Variants in HS6ST3 observed in about 807,000 individuals in gnomAD.
HS6ST3 encodes heparan sulfate 6-O-sulfotransferase 3.
HS6ST3 carries 12 observed loss-of-function variants against 36.7 expected under a neutral mutation model. That is an observed-to-expected ratio of 0.33 (90% CI 0.21 to 0.53). The LOEUF is 0.53. Ranked by LOEUF, HS6ST3 falls within the 20% of genes least tolerant of loss-of-function variation. HS6ST3 has a pLI of 0.95. For synonymous variants in HS6ST3, 240 were observed against 257.5 expected (o/e 0.93, Z 0.65); for missense variants, 584 against 640.9 (o/e 0.91, Z 0.96).
chr13:96,293,340 C>T (rs558877310), intron 1 of HS6ST3, among the ~76,000 whole-genome samples: 5 of 152,154 alleles, frequency 3.3e-5, no homozygotes, highest in Admixed American at 6.5e-5. Flanking sequence ...GGATTAATCA[C>T]TTAGTTTGAT....
intron 1 of HS6ST3, among the ~76,000 whole-genome samples, chr13:96,102,951 T>C (rs2053824704): frequency 6.6e-6 from 1 of 152,220 alleles, no homozygotes; most frequent in Admixed American, 6.5e-5. Context: ...GAGTATACTC[T>C]TGCAGGATAT....
chr13:96,826,172 A>G (rs1157828092), intron 1 of HS6ST3, among the ~76,000 whole-genome samples: 1 of 152,200 alleles, frequency 6.6e-6, no homozygotes, highest in Non-Finnish European at 1.5e-5. Flanking sequence ...GTTGTATAAA[A>G]TATTCTCCTT....
intron 1 of HS6ST3, among the ~76,000 whole-genome samples, chr13:96,237,437 C>G (rs2054539849): frequency 6.6e-6 from 1 of 152,096 alleles, no homozygotes; most frequent in Non-Finnish European, 1.5e-5. Context: ...TTATTTTCCA[C>G]TGGATTCTAT....
intron 1 of HS6ST3, among the ~76,000 whole-genome samples, chr13:96,497,537 G>T (rs558592406): frequency 6.6e-6 from 1 of 152,248 alleles, no homozygotes; most frequent in Non-Finnish European, 1.5e-5. Flanking sequence ...TCATGGAGTA[G>T]ACAGATGCAG....
chr13:96,102,368 G>A (rs1372703530), intron 1 of HS6ST3, among the ~76,000 whole-genome samples: 2 of 152,194 alleles, frequency 1.3e-5, no homozygotes, highest in African/African-American at 2.4e-5. Flanking sequence ...TGTAGTCCCA[G>A]CTATTTGGGA....
At chr13:96,610,453 T>C (rs2056453471) in intron 1 of HS6ST3, among the ~76,000 whole-genome samples, 1 of 152,200 alleles carries the variant, frequency 6.6e-6, no homozygotes, top group Admixed American at 6.5e-5. Context: ...CCCATTATGA[T>C]TTATTCTAAT....
chr13:96,364,000 C>A (rs182251700), intron 1 of HS6ST3, among the ~76,000 whole-genome samples: 1 of 151,918 alleles, frequency 6.6e-6, no homozygotes, highest in East Asian at 1.9e-4. Flanking sequence ...ATGTTTATTT[C>A]GGTAAATATT....
At chr13:96,301,778 T>TG (rs1201411621) in intron 1 of HS6ST3, among the ~76,000 whole-genome samples, 1 of 151,404 alleles carries the variant, frequency 6.6e-6, no homozygotes, top group Non-Finnish European at 1.5e-5. Flanking sequence ...GGCACGGTGG[T>TG]GGGTGCCTTT....
intron 1 of HS6ST3, among the ~76,000 whole-genome samples, chr13:96,220,591 G>A (rs926374134): frequency 2.0e-5 from 3 of 152,142 alleles, no homozygotes; most frequent in Admixed American, 1.3e-4. Flanking sequence ...TGTGGACACT[G>A]TCTTTAAAAA....
intron 1 of HS6ST3, among the ~76,000 whole-genome samples, chr13:96,744,794 C>A (rs1417302084): frequency 6.6e-6 from 1 of 152,076 alleles, no homozygotes; most frequent in African/African-American, 2.4e-5. Context: ...AAAATCAAAT[C>A]TATCGCTTGT....
chr13:96,714,009 A>G (rs1167629662), intron 1 of HS6ST3, among the ~76,000 whole-genome samples: 1 of 152,142 alleles, frequency 6.6e-6, no homozygotes, highest in African/African-American at 2.4e-5. Context: ...TAAGACCCTT[A>G]CCTTATACTA....
At position 96,683,153 on chromosome 13, in the gene HS6ST3, T is replaced by C. The variant is rs548164389; in HGVS notation, c.708-149337T>C. ...ATGTTAGAGATGGGAGTGTATAATA[T>C]ATCGCTTATGATATTTAAATGTCAA... is the stretch of plus-strand genomic sequence containing the variant. On this transcript the variant is annotated intron_variant, in intron 1 of 1. Transcript: ENST00000376705. Among the ~76,000 whole-genome samples, 329 of 152,190 alleles carry C rather than the reference T, an allele frequency of 2.2e-3. 1 individual carries two copies. The highest frequency in any genetic ancestry group is 3.1e-3 in the Non-Finnish European group (211 of 67,980).
At chr13:96,573,918 A>G (rs2056310590) in intron 1 of HS6ST3, 1 of 513,022 alleles carries the variant, frequency 1.9e-6, no homozygotes, top group Admixed American at 2.2e-5. Flanking sequence ...AGCTCCACAA[A>G]GAATCCGGAG....
rs138465060 is a variant in HS6ST3, at chr13:96,345,568, C to T, written c.707+253999C>T. Among the ~76,000 whole-genome samples, 46 of 152,306 alleles carry T rather than the reference C, an allele frequency of 3.0e-4. No homozygotes were observed. In the East Asian group the frequency reaches 8.7e-3, roughly 29 times the overall value. On this transcript the variant is annotated intron_variant, in intron 1 of 1. Coordinates refer to ENST00000376705, the MANE Select transcript of HS6ST3 (RefSeq NM_153456.4). ...TTTTCTACTGTGTCCTTCACATGTACTAGGGGACAATATCGTACCACATTG... is the reference window on the plus strand; with the variant it reads ...TTTTCTACTGTGTCCTTCACATGTATTAGGGGACAATATCGTACCACATTG...
At chr13:96,219,609 C>T (rs1198128307) in intron 1 of HS6ST3, among the ~76,000 whole-genome samples, 1 of 152,140 alleles carries the variant, frequency 6.6e-6, no homozygotes, top group Non-Finnish European at 1.5e-5. Context: ...CCTATTCTTT[C>T]AACATGGCAT....
At chr13:96,497,312 G>C (rs950730833) in intron 1 of HS6ST3, among the ~76,000 whole-genome samples, 1 of 152,132 alleles carries the variant, frequency 6.6e-6, no homozygotes, top group Non-Finnish European at 1.5e-5. Flanking sequence ...AACTTAAAAG[G>C]TTGGTCCTGC....
chr13:96,574,582 T>C (rs1594810100), intron 1 of HS6ST3: 1 of 262,306 alleles, frequency 3.8e-6, no homozygotes, highest in East Asian at 9.1e-5. Context: ...GTGCCTCCTC[T>C]TCCTGGTCCA....
At chr13:96,686,146 A>ACATCT (rs2138441059) in intron 1 of HS6ST3, among the ~76,000 whole-genome samples, 1 of 152,080 alleles carries the variant, frequency 6.6e-6, no homozygotes, top group East Asian at 1.9e-4. Flanking sequence ...ATTACCATAC[A>ACATCT]CGTCTCCTCC....
At chr13:96,592,864 T>G (rs1489828545) in intron 1 of HS6ST3, among the ~76,000 whole-genome samples, 1 of 152,148 alleles carries the variant, frequency 6.6e-6, no homozygotes, top group Non-Finnish European at 1.5e-5. Flanking sequence ...TAGGACCCTT[T>G]CTCTATCCTT....
Sources: allele counts gnomAD v4.1 joint callset (sites outside exome capture counted in the v4.1 genomes callset), GRCh38; gene constraint gnomAD v4.1.1; transcripts MANE v1.5; gene names NCBI Gene and HGNC (gene_info 2026-07-23, HGNC 2026-07-21).